The following POFUT3 variants were observed in gnomAD, a reference collection of about 807,000 sequenced individuals.
POFUT3 encodes GDP-fucose protein O-fucosyltransferase 3.
chr8:33,390,322 G>T, the POFUT3 span, among the ~76,000 whole-genome samples: 1 of 152,196 alleles, frequency 6.6e-6, no homozygotes, highest in Non-Finnish European at 1.5e-5. Flanking sequence ...CAAAGAGGGG[G>T]ACTATCATTT....
chr8:33,392,150 G>T, the POFUT3 span, among the ~76,000 whole-genome samples: 2 of 152,112 alleles, frequency 1.3e-5, no homozygotes, highest in Non-Finnish European at 2.9e-5. Flanking sequence ...GCATTTCCTG[G>T]TAACTTCCCT....
At chr8:33,434,191 G>A in the POFUT3 span, among the ~76,000 whole-genome samples, 1 of 152,002 alleles carries the variant, frequency 6.6e-6, no homozygotes, top group African/African-American at 2.4e-5. Flanking sequence ...AACTTGGGAG[G>A]CAGAGGTTGC....
the POFUT3 span, among the ~76,000 whole-genome samples, chr8:33,317,588 G>A: frequency 2.7e-4 from 41 of 152,236 alleles, no homozygotes; most frequent in Non-Finnish European, 4.9e-4. Flanking sequence ...TTCCTGAAAT[G>A]TATAAGCCCT....
At chr8:33,418,888 C>T in the POFUT3 span, among the ~76,000 whole-genome samples, 33 of 152,232 alleles carry the variant, frequency 2.2e-4, no homozygotes, top group African/African-American at 7.5e-4. Context: ...TAATACTATT[C>T]GGCCATTAAA....
At chr8:33,413,049 C>T in the POFUT3 span, among the ~76,000 whole-genome samples, 6 of 152,170 alleles carry the variant, frequency 3.9e-5, no homozygotes, top group Non-Finnish European at 5.9e-5. Context: ...TATACGAGAC[C>T]GTGATAGTTG....
At chr8:33,449,935 CTTTTTTT>C in the POFUT3 span, among the ~76,000 whole-genome samples, 1 of 112,334 alleles carries the variant, frequency 8.9e-6, no homozygotes, top group Non-Finnish European at 1.7e-5. Context: ...TGAAGCTTTT[CTTTTTTT>C]TTTTTTTTTT....
the POFUT3 span, among the ~76,000 whole-genome samples, chr8:33,350,296 G>T: frequency 2.6e-5 from 4 of 152,128 alleles, no homozygotes; most frequent in African/African-American, 9.7e-5. Context: ...TGGATCATCT[G>T]TAAGAGAGAT....
chr8:33,404,356 A>G, the POFUT3 span, among the ~76,000 whole-genome samples: 1 of 151,674 alleles, frequency 6.6e-6, no homozygotes, highest in Non-Finnish European at 1.5e-5. Context: ...AAAAAAAGAA[A>G]AAGAAAAAGA....
chr8:33,458,213 A>G, the POFUT3 span, among the ~76,000 whole-genome samples: 2 of 152,128 alleles, frequency 1.3e-5, no homozygotes, highest in African/African-American at 4.8e-5. Context: ...CCACAGAAGA[A>G]AGAACCCTGC....
chr8:33,314,396 T>C, the POFUT3 span, among the ~76,000 whole-genome samples: 1 of 152,160 alleles, frequency 6.6e-6, no homozygotes, highest in African/African-American at 2.4e-5. Context: ...GGACAAAACA[T>C]CAAAAAGGCA....
the POFUT3 span, among the ~76,000 whole-genome samples, chr8:33,467,387 A>C: frequency 1.3e-5 from 2 of 152,032 alleles, no homozygotes; most frequent in Non-Finnish European, 2.9e-5. Flanking sequence ...ATACTGAAGC[A>C]CTTAAATTAT....
the POFUT3 span, among the ~76,000 whole-genome samples, chr8:33,467,915 C>T: frequency 6.6e-6 from 1 of 152,030 alleles, no homozygotes; most frequent in African/African-American, 2.4e-5. Context: ...GAGAAACCAA[C>T]CTTAGGTGAC....
At chr8:33,332,176 G>A in the POFUT3 span, among the ~76,000 whole-genome samples, 1 of 143,754 alleles carries the variant, frequency 7.0e-6, no homozygotes, top group South Asian at 2.4e-4. Flanking sequence ...GGAGGAGGAG[G>A]AGGAGGAAAA....
chr8:33,315,387 A>C, the POFUT3 span, among the ~76,000 whole-genome samples: 8 of 152,292 alleles, frequency 5.3e-5, no homozygotes, highest in South Asian at 1.2e-3. Flanking sequence ...GCTTAGACAA[A>C]TGATTTCTAT....
chr8:33,451,391 T>C, the POFUT3 span, among the ~76,000 whole-genome samples: 3 of 152,106 alleles, frequency 2.0e-5, no homozygotes, highest in Non-Finnish European at 2.9e-5. Flanking sequence ...TAAGTGTATG[T>C]ATGTATATAC....
the POFUT3 span, among the ~76,000 whole-genome samples, chr8:33,394,778 G>C: frequency 6.6e-6 from 1 of 152,100 alleles, no homozygotes; most frequent in Non-Finnish European, 1.5e-5. Flanking sequence ...TTCTGGTGGA[G>C]AAAAATTTCT....
the POFUT3 span, among the ~76,000 whole-genome samples, chr8:33,412,045 A>C: frequency 0.015 from 2,241 of 152,266 alleles, 57 homozygotes; most frequent in African/African-American, 0.051. Flanking sequence ...CACATCACAC[A>C]AGCAATGCAA....
chr8:33,419,032 A>G, the POFUT3 span, among the ~76,000 whole-genome samples: 5 of 151,998 alleles, frequency 3.3e-5, no homozygotes, highest in African/African-American at 1.2e-4. Flanking sequence ...AATTGATCTC[A>G]TGGAGGTAGA....
At chr8:33,361,349 T>C in the POFUT3 span, 2 of 152,224 alleles carry the variant, frequency 1.3e-5, no homozygotes, top group Admixed American at 6.5e-5. Context: ...AAAGGACTTA[T>C]TCTGGACTTG....
Sources: allele counts gnomAD v4.1 joint callset (sites outside exome capture counted in the v4.1 genomes callset), GRCh38; gene constraint gnomAD v4.1.1; transcripts MANE v1.5; gene names NCBI Gene and HGNC (gene_info 2026-07-23, HGNC 2026-07-21).